The following ADGRL2 variants were observed in gnomAD, a reference collection of about 807,000 sequenced individuals.
ADGRL2 encodes the protein calcium-independent alpha-latrotoxin receptor 2.
ADGRL2 carries 44 observed loss-of-function variants against 157.4 expected under a neutral mutation model. The observed-to-expected ratio is 0.28, with a 90% CI of 0.22 to 0.36. The LOEUF is 0.36. Ranked by LOEUF, ADGRL2 falls within the 10% of genes least tolerant of loss-of-function variation. The pLI is 1.00. For synonymous variants in ADGRL2, 585 were observed against 624.7 expected (o/e 0.94, Z 0.95); for missense variants, 1,510 against 1,768.9 (o/e 0.85, Z 2.63).
At chr1:81,722,149 C>T in intron 1 of ADGRL2, 2 of 362,152 alleles carry the variant, frequency 5.5e-6, no homozygotes, top group South Asian at 2.3e-5. Flanking sequence ...AAAAATTAGC[C>T]GGGAGCGGTG....
At chr1:81,356,952 C>CAAAAAAAAAAAAAAA (rs757239865) in intron 1 of ADGRL2, among the ~76,000 whole-genome samples, 46 of 55,668 alleles carry the variant, frequency 8.3e-4, no homozygotes, top group African/African-American at 1.6e-3. Context: ...GACTCCGTCT[C>CAAAAAAAAAAAAAAA]AAAAAAAAAA....
At position 81,992,229 on chromosome 1, in the gene ADGRL2, T is replaced by C. The variant is rs1572560926; in HGVS notation, c.*1084T>C. 1 of 152,652 alleles carries C rather than the reference T, an allele frequency of 6.6e-6. No homozygotes were observed. Among genetic ancestry groups the C allele is most frequent in the East Asian group, 1.9e-4 (1 of 5,188 alleles). The allele number at this position is 152,652 out of a possible 1,614,324, so 9.5% of individuals were successfully genotyped here. On this transcript the variant is annotated 3_prime_UTR_variant, in exon 24 of 24. Transcript: ENST00000686636. Reference sequence around the variant, plus strand: ...TAAAATAAAACATAAATATTACTCTTCCATATTCCTTCTGCCTATATTTAG... The same window carrying C: ...TAAAATAAAACATAAATATTACTCTCCCATATTCCTTCTGCCTATATTTAG...
At chr1:81,751,912 C>T (rs1009697861) in intron 1 of ADGRL2, among the ~76,000 whole-genome samples, 1 of 152,120 alleles carries the variant, frequency 6.6e-6, no homozygotes, top group Non-Finnish European at 1.5e-5. Flanking sequence ...TCAAATTCAA[C>T]ATCTTCCATG....
intron 3 of ADGRL2, among the ~76,000 whole-genome samples, chr1:81,910,394 G>GT (rs962033776): frequency 4.6e-5 from 7 of 151,358 alleles, no homozygotes; most frequent in African/African-American, 9.7e-5. Flanking sequence ...AATTTGAGCA[G>GT]TTTTTTTTCT....
At chr1:81,465,774 T>C (rs2078039958) in intron 2 of ADGRL2, among the ~76,000 whole-genome samples, 2 of 152,296 alleles carry the variant, frequency 1.3e-5, no homozygotes, top group Admixed American at 1.3e-4. Context: ...AAAGAATAAA[T>C]GGTATACTAA....
At chr1:81,792,024 C>T (rs986615629) in intron 2 of ADGRL2, among the ~76,000 whole-genome samples, 3 of 152,018 alleles carry the variant, frequency 2.0e-5, no homozygotes, top group Non-Finnish European at 4.4e-5. Context: ...GTTTCCTTTC[C>T]GTGCGTATTT....
At chr1:81,429,036 C>G (rs950863037) in intron 1 of ADGRL2, among the ~76,000 whole-genome samples, 2 of 152,228 alleles carry the variant, frequency 1.3e-5, no homozygotes, top group South Asian at 4.2e-4. Flanking sequence ...GAAGTCTGAA[C>G]CACCTATTCA....
intron 2 of ADGRL2, among the ~76,000 whole-genome samples, chr1:81,465,906 G>C (rs1378739705): frequency 6.6e-6 from 1 of 152,196 alleles, no homozygotes; most frequent in Non-Finnish European, 1.5e-5. Flanking sequence ...CCTGAAATGT[G>C]CCAGACACTG....
At chr1:81,912,028 A>C (rs1206833027) in intron 3 of ADGRL2, among the ~76,000 whole-genome samples, 2 of 151,426 alleles carry the variant, frequency 1.3e-5, no homozygotes, top group African/African-American at 4.9e-5. Flanking sequence ...CCTGACTAGA[A>C]CCTCATAGCC....
chr1:81,344,469 G>C (rs1330302700), intron 1 of ADGRL2, among the ~76,000 whole-genome samples: 1 of 151,978 alleles, frequency 6.6e-6, no homozygotes, highest in Non-Finnish European at 1.5e-5. Context: ...CTGAGGTCGG[G>C]AGTTCGAGAC....
At chr1:81,361,247 A>G (rs912057232) in intron 1 of ADGRL2, among the ~76,000 whole-genome samples, 18 of 152,036 alleles carry the variant, frequency 1.2e-4, no homozygotes, top group African/African-American at 4.3e-4. Context: ...CTAAGCTGCC[A>G]TTTTGGAGAC....
At position 81,394,008 on chromosome 1, in the gene ADGRL2, A is replaced by G. The variant is rs533601835; in HGVS notation, c.-301-51028A>G. On this transcript the variant is annotated intron_variant, in intron 1 of 24. Coordinates refer to the ADGRL2 transcript ENST00000370721. ...ATATAAAACATTTTCACTTCTTTCT[A>G]GACTTTTACTGCATACATCAATATA... Among the ~76,000 whole-genome samples, 362 of 152,166 alleles carry G rather than the reference A, an allele frequency of 2.4e-3. 1 individual carries two copies. Among genetic ancestry groups the G allele is most frequent in the Middle Eastern group, 0.01 (3 of 294 alleles).
intron 22 of ADGRL2, chr1:81,987,298 C>G (rs1262606326): frequency 6.3e-7 from 1 of 1,597,074 alleles, no homozygotes; most frequent in Admixed American, 1.7e-5. Flanking sequence ...GGACTGACAT[C>G]ACATGGTCTG....
At chr1:81,869,051 T>C (rs188044602) in intron 2 of ADGRL2, among the ~76,000 whole-genome samples, 23 of 152,242 alleles carry the variant, frequency 1.5e-4, no homozygotes, top group African/African-American at 5.3e-4. Flanking sequence ...GAAAATAGTT[T>C]AGAGATGAAA....
chr1:81,681,426 G>C, intron 3 of ADGRL2, among the ~76,000 whole-genome samples: 1 of 152,222 alleles, frequency 6.6e-6, no homozygotes, highest in Non-Finnish European at 1.5e-5. Context: ...GCATGTGTGA[G>C]TAAAGGGTTA....
At chr1:81,741,241 A>C (rs889247719) in intron 1 of ADGRL2, among the ~76,000 whole-genome samples, 1 of 152,058 alleles carries the variant, frequency 6.6e-6, no homozygotes, top group Non-Finnish European at 1.5e-5. Flanking sequence ...ATGGTAAAGA[A>C]AGGTATAAGA....
chr1:81,635,733 T>C (rs1291277443), intron 3 of ADGRL2, among the ~76,000 whole-genome samples: 2 of 152,116 alleles, frequency 1.3e-5, no homozygotes, highest in African/African-American at 2.4e-5. Flanking sequence ...AGATATCACA[T>C]TGGGGCATAA....
At chr1:81,383,570 A>T (rs1417190277) in intron 1 of ADGRL2, among the ~76,000 whole-genome samples, 1 of 152,040 alleles carries the variant, frequency 6.6e-6, no homozygotes, top group African/African-American at 2.4e-5. Flanking sequence ...ACAAGTATGC[A>T]ATAGATACAC....
chr1:81,427,297 C>T (rs531004368), intron 1 of ADGRL2: 58 of 731,014 alleles, frequency 7.9e-5, no homozygotes, highest in African/African-American at 2.4e-4. Flanking sequence ...GACTTAGAGG[C>T]GATGGTGGCA....
Sources: gnomAD v4.1 joint callset for allele counts (sites outside exome capture counted in the v4.1 genomes callset) on GRCh38, gnomAD v4.1.1 for gene constraint, MANE v1.5 for transcripts, NCBI Gene and HGNC (gene_info 2026-07-23, HGNC 2026-07-21) for gene names.